ERICH1: variants seen among roughly 807,000 people sequenced by gnomAD.
ERICH1 encodes glutamate rich 1.
A neutral mutation model predicts 39.6 loss-of-function variants in ERICH1; 56 were observed. The ratio of observed to expected loss-of-function variants is 1.41; its 90% CI spans 1.14 to 1.77. The LOEUF (loss-of-function observed/expected upper bound fraction) is 1.77. Ranked by LOEUF, ERICH1 falls within the 40% of genes most tolerant of loss-of-function variation. The pLI is 0.00. For synonymous variants in ERICH1, 313 were observed against 223.6 expected, an observed-to-expected ratio of 1.40 and a Z score of -3.57; for missense variants, 826 against 575.4, an observed-to-expected ratio of 1.44 and a Z score of -4.45.
At chr8:715,321 C>T (rs1441458355) in intron 2 of ERICH1, among the ~76,000 whole-genome samples, 1 of 152,260 alleles carries the variant, frequency 6.6e-6, no homozygotes, top group Non-Finnish European at 1.5e-5. Context: ...GCGGGGTCCT[C>T]TCACAGTCTC....
intron 3 of ERICH1, among the ~76,000 whole-genome samples, chr8:621,415 G>C (rs1166104110): frequency 6.6e-6 from 1 of 151,962 alleles, no homozygotes; most frequent in Non-Finnish European, 1.5e-5. Flanking sequence ...TAATTAGCTT[G>C]ATATAACCAT....
rs755702291 is a variant in ERICH1, at chr8:631,923, C to T, written c.977-16639G>A. 5.3e-5 allele frequency among the ~76,000 whole-genome samples: 8 copies of T among 152,222 alleles called. No homozygotes were observed. The South Asian group carries it at 6.2e-4, about 12-fold the overall frequency. On this transcript the variant is annotated intron_variant, in intron 3 of 3. Transcript: ENST00000522706. ...AGAGGAAGATTTAAAGCCCATTCTC[C>T]GCTCTGGAACGCAAACCCTCCTCTT...
intron 3 of ERICH1, 47 bp from the exon 4 acceptor site, chr8:674,094 T>C (rs377004556): frequency 1.3e-6 from 2 of 1,493,294 alleles, no homozygotes; most frequent in Non-Finnish European, 1.8e-6. Flanking sequence ...AATGAAACCA[T>C]AACAAACATA....
chr8:619,896 C>T (rs959751149), intron 3 of ERICH1, among the ~76,000 whole-genome samples: 3 of 151,842 alleles, frequency 2.0e-5, no homozygotes, highest in Admixed American at 1.3e-4. Context: ...CCAGAGCAAC[C>T]ACTAAGAAAA....
intron 2 of ERICH1, among the ~76,000 whole-genome samples, chr8:706,817 A>G (rs566410808): frequency 3.3e-5 from 5 of 152,338 alleles, no homozygotes; most frequent in Non-Finnish European, 7.3e-5. Context: ...TCTGAAAACT[A>G]CAAAAGATGG....
intron 5 of ERICH1, among the ~76,000 whole-genome samples, chr8:665,672 G>A (rs1333870960): frequency 6.6e-6 from 1 of 152,252 alleles, no homozygotes; most frequent in Non-Finnish European, 1.5e-5. Context: ...GGGAATGGCA[G>A]CTACTACTGA....
At chr8:701,668 C>T (rs1484928151) in intron 2 of ERICH1, among the ~76,000 whole-genome samples, 1 of 152,060 alleles carries the variant, frequency 6.6e-6, no homozygotes, top group Admixed American at 6.5e-5. Context: ...TGCAAAAAAG[C>T]GTAAAATATC....
intron 3 of ERICH1, among the ~76,000 whole-genome samples, chr8:690,702 G>A (rs751606329): frequency 2.0e-5 from 3 of 152,268 alleles, no homozygotes; most frequent in Non-Finnish European, 4.4e-5. Context: ...GGCTGCGCAA[G>A]GTCCTGAGTG....
chr8:616,854 AAG>A (rs1481567117), intron 3 of ERICH1, among the ~76,000 whole-genome samples: 2 of 116,136 alleles, frequency 1.7e-5, no homozygotes, highest in East Asian at 6.0e-4. Context: ...GGGAGACAGA[AAG>A]AGACAGAGAG....
At chr8:643,896 C>A (rs187693265) in intron 3 of ERICH1, among the ~76,000 whole-genome samples, 1 of 152,208 alleles carries the variant, frequency 6.6e-6, no homozygotes, top group East Asian at 1.9e-4. Context: ...AAAGGAGGCA[C>A]GGACTCAGCG....
chr8:731,005 T>C, intron 1 of ERICH1, 135 bp downstream of exon 1: 1 of 987,474 alleles, frequency 1.0e-6, no homozygotes, highest in East Asian at 3.4e-5. Flanking sequence ...GGGACTGGGG[T>C]GGAGGTGGGG....
intron 3 of ERICH1, among the ~76,000 whole-genome samples, chr8:641,714 G>C (rs1799004385): frequency 6.6e-6 from 1 of 152,170 alleles, no homozygotes; most frequent in Admixed American, 6.5e-5. Flanking sequence ...CCTCCCGGAG[G>C]ACCCCTCCCC....
At chr8:729,521 TCCTCCCTTCAGTG>T (rs1282473234) in intron 1 of ERICH1, among the ~76,000 whole-genome samples, 1 of 152,184 alleles carries the variant, frequency 6.6e-6, no homozygotes, top group Non-Finnish European at 1.5e-5. Flanking sequence ...TCCAGCTAAA[TCCTCCCTTCAGTG>T]CCTCTCAGAG....
intron 2 of ERICH1, among the ~76,000 whole-genome samples, chr8:713,659 T>C (rs1050573340): frequency 2.6e-5 from 4 of 152,132 alleles, no homozygotes; most frequent in African/African-American, 9.7e-5. Context: ...TGTGGGAAGA[T>C]GTGTTCAGAG....
chr8:693,714 C>A (rs138107424), intron 2 of ERICH1, among the ~76,000 whole-genome samples: 1 of 150,980 alleles, frequency 6.6e-6, no homozygotes, highest in African/African-American at 2.4e-5. Flanking sequence ...CCACCGTGGA[C>A]GGCGGCTGGA....
chr8:637,326 A>C (rs971150537), intron 3 of ERICH1, among the ~76,000 whole-genome samples: 9 of 152,186 alleles, frequency 5.9e-5, no homozygotes, highest in African/African-American at 2.2e-4. Context: ...GAGTGGGTAA[A>C]AGCCACAGCT....
At chr8:665,075 A>G (rs758781465) in intron 5 of ERICH1, among the ~76,000 whole-genome samples, 9 of 152,246 alleles carry the variant, frequency 5.9e-5, no homozygotes, top group Non-Finnish European at 1.3e-4. Flanking sequence ...AAAAAGCCAG[A>G]AGTGGAGCCG....
At chr8:660,836 C>CGGCCATGA (rs1225925201), downstream of ERICH1, among the ~76,000 whole-genome samples, 2 of 152,040 alleles carry the variant, frequency 1.3e-5, no homozygotes, top group Non-Finnish European at 2.9e-5. Context: ...GTCTCGTTGC[C>CGGCCATGA]GGCCATGAGC....
At chr8:728,399 T>C (rs763615266) in intron 1 of ERICH1, among the ~76,000 whole-genome samples, 6 of 152,120 alleles carry the variant, frequency 3.9e-5, no homozygotes, top group Non-Finnish European at 8.8e-5. Flanking sequence ...CAGTCACTCC[T>C]TCCAGGAGTC....
Sources: allele counts gnomAD v4.1 joint callset (sites outside exome capture counted in the v4.1 genomes callset), GRCh38; gene constraint gnomAD v4.1.1; transcripts MANE v1.5; gene names NCBI Gene and HGNC (gene_info 2026-07-23, HGNC 2026-07-21).